Variants in SNX29 observed in about 807,000 individuals in gnomAD.
SNX29 encodes sorting nexin 29.
Under a neutral mutation model 102.1 loss-of-function variants are expected in SNX29, and 78 were observed. The ratio of observed to expected loss-of-function variants is 0.76; its 90% CI spans 0.64 to 0.92. The LOEUF is 0.92. Ranked by LOEUF, SNX29 falls within the 40% of genes least tolerant of loss-of-function variation. The pLI, the probability that SNX29 is intolerant of heterozygous loss-of-function variation, is 0.00. For synonymous variants in SNX29, 580 were observed against 414.5 expected, an observed-to-expected ratio of 1.40 and a Z score of -4.85; for missense variants, 1,280 against 1,061.7, an observed-to-expected ratio of 1.21 and a Z score of -2.86.
At chr16:12,163,004 C>G (rs1402543539) in intron 13 of SNX29, among the ~76,000 whole-genome samples, 1 of 152,176 alleles carries the variant, frequency 6.6e-6, no homozygotes, top group African/African-American at 2.4e-5. Context: ...ACCTCAGCCT[C>G]CCAAGTAGCT....
chr16:12,563,320 G>C (rs1481296123), intron 20 of SNX29, among the ~76,000 whole-genome samples: 2 of 152,178 alleles, frequency 1.3e-5, no homozygotes, highest in Admixed American at 6.5e-5. Flanking sequence ...TGACTGGAGA[G>C]AGTCACCGTC....
intron 15 of SNX29, among the ~76,000 whole-genome samples, chr16:12,278,336 A>G (rs1055236768): frequency 2.0e-5 from 3 of 152,200 alleles, no homozygotes; most frequent in Admixed American, 1.3e-4. Flanking sequence ...GAAAACAGAG[A>G]ATATCACATG....
At chr16:12,106,865 C>T (rs904283371) in intron 11 of SNX29, among the ~76,000 whole-genome samples, 2 of 152,016 alleles carry the variant, frequency 1.3e-5, no homozygotes, top group South Asian at 4.1e-4. Context: ...ACCCAGGCTG[C>T]AGTGCAGTGG....
chr16:12,513,601 C>G (rs1396149264), intron 19 of SNX29, among the ~76,000 whole-genome samples: 1 of 152,210 alleles, frequency 6.6e-6, no homozygotes, highest in African/African-American at 2.4e-5. Flanking sequence ...CTGTTCCAGC[C>G]TCTCAGCCAC....
chr16:12,535,633 G>A (rs2077054636), intron 20 of SNX29, among the ~76,000 whole-genome samples: 1 of 152,246 alleles, frequency 6.6e-6, no homozygotes, highest in African/African-American at 2.4e-5. Context: ...CCAACATGAA[G>A]CACTTACAGA....
intron 14 of SNX29, among the ~76,000 whole-genome samples, chr16:12,235,858 C>G (rs2077915578): frequency 6.6e-6 from 1 of 151,572 alleles, no homozygotes; most frequent in Non-Finnish European, 1.5e-5. Context: ...ACATAAAAAT[C>G]ACAGTTCTTT....
At chr16:12,019,761 C>T (rs2056965208) in intron 3 of SNX29, among the ~76,000 whole-genome samples, 1 of 151,830 alleles carries the variant, frequency 6.6e-6, no homozygotes, top group Non-Finnish European at 1.5e-5. Flanking sequence ...CTCAGCCTCC[C>T]AAGTAGCTGG....
intron 18 of SNX29, among the ~76,000 whole-genome samples, chr16:12,475,986 T>C (rs907902310): frequency 3.3e-5 from 5 of 152,128 alleles, no homozygotes; most frequent in South Asian, 2.1e-4. Flanking sequence ...GTTTGGACTT[T>C]TATAAGAATA....
rs556250444 is a variant in SNX29, at chr16:12,492,488, C to T, written c.2178+14629C>T. On this transcript the variant is annotated intron_variant, in intron 19 of 20. Transcript: ENST00000566228. ...TCTCCCATTTTGCAGGTTGCCTGTT[C>T]ACTCTGATGGTAGTTTCTTTTGCTG... is the stretch of plus-strand genomic sequence containing the variant. Among the ~76,000 whole-genome samples, 3 of 152,260 alleles carry T rather than the reference C, an allele frequency of 2.0e-5. No homozygotes were observed. In the South Asian group the frequency reaches 6.2e-4, roughly 32 times the overall value.
At position 12,534,166 on chromosome 16, in the gene SNX29, G is replaced by A. The variant is rs144801590; in HGVS notation, c.2318+9325G>A. On this transcript the variant is annotated intron_variant, in intron 20 of 20. Coordinates refer to ENST00000566228, the MANE Select transcript of SNX29 (RefSeq NM_032167.5). ...GGCCTCAGGGCAGCGCGGCCTCTGC[G>A]GTTCTGACTGAGGTCTTCATAAGAG... Among the ~76,000 whole-genome samples the A allele has an allele frequency of 9.7e-3, 1,475 of 152,348 alleles. 20 individuals are homozygous for A. The highest frequency in any genetic ancestry group is 9.3e-3 in the Non-Finnish European group (631 of 68,032).
chr16:12,190,492 G>C (rs2076615067), intron 13 of SNX29, among the ~76,000 whole-genome samples: 2 of 152,236 alleles, frequency 1.3e-5, no homozygotes, highest in South Asian at 4.2e-4. Context: ...CCATGTGGTG[G>C]AGGCAGGGTT....
intron 20 of SNX29, among the ~76,000 whole-genome samples, chr16:12,566,677 TAA>T (rs2079024734): frequency 7.7e-6 from 1 of 130,282 alleles, no homozygotes; most frequent in Non-Finnish European, 1.6e-5. Context: ...CATTCAGGGA[TAA>T]AGAGGCTCTT....
Position 12,568,704 on chromosome 16 carries a change from T to C in SNX29, c.*75T>C. The C allele has an allele frequency of 1.3e-6, 2 of 1,561,096 alleles. No individual in the cohort carries two copies. The highest frequency in any genetic ancestry group is 1.4e-5 in the African/African-American group (1 of 73,822). ...CACCCCAGCCACTGCCGCTGGCCCC[T>C]CACCTCAGCGTGACAACCACGTCCA... On this transcript the variant is annotated 3_prime_UTR_variant, in exon 21 of 21. Transcript: ENST00000566228.
At chr16:12,209,128 T>C (rs1299312547) in intron 14 of SNX29, among the ~76,000 whole-genome samples, 2 of 152,176 alleles carry the variant, frequency 1.3e-5, no homozygotes, top group East Asian at 1.9e-4. Context: ...TTTAGTTGTT[T>C]ACTGACAAAT....
chr16:12,475,025 G>C (rs62028446), intron 18 of SNX29, among the ~76,000 whole-genome samples: 1 of 152,220 alleles, frequency 6.6e-6, no homozygotes, highest in African/African-American at 2.4e-5. Flanking sequence ...CTCTCCATCT[G>C]TGGGGTGGTC....
At chr16:12,544,960 C>G (rs551053395) in intron 20 of SNX29, among the ~76,000 whole-genome samples, 2 of 152,300 alleles carry the variant, frequency 1.3e-5, no homozygotes, top group Admixed American at 6.5e-5. Context: ...GATGAGGAAA[C>G]AGGCTCAGAG....
chr16:12,213,574 G>A (rs147052343), intron 14 of SNX29, among the ~76,000 whole-genome samples: 35 of 152,366 alleles, frequency 2.3e-4, no homozygotes, highest in Middle Eastern at 6.8e-3. Flanking sequence ...AGTGGTTGGT[G>A]TTGTGGGTTG....
At position 12,409,421 on chromosome 16, in the gene SNX29, C is replaced by CTTT. The variant is rs71139589; in HGVS notation, c.2037+5915_2037+5917dup. Reference sequence around the variant, plus strand: ...TCCAAACGGGTTTGAGATTCACTGTCTTTTTTTTTTTTTTTTTTTTTTTTT... The same window carrying CTTT: ...TCCAAACGGGTTTGAGATTCACTGTCTTTTTTTTTTTTTTTTTTTTTTTTTTTT... On this transcript the variant is annotated intron_variant, in intron 18 of 20. Coordinates refer to ENST00000566228, the MANE Select transcript of SNX29 (RefSeq NM_032167.5). 5.0e-3 allele frequency among the ~76,000 whole-genome samples: 450 copies of CTTT among 89,662 alleles called. 3 individuals are homozygous for CTTT. Among genetic ancestry groups the CTTT allele is most frequent in the African/African-American group, 8.8e-3 (196 of 22,290 alleles). 58.8% of individuals were successfully genotyped at this position (89,662 alleles called of 152,430 possible).
chr16:12,160,625 C>G (rs1023728031), intron 13 of SNX29, among the ~76,000 whole-genome samples: 1 of 152,076 alleles, frequency 6.6e-6, no homozygotes, highest in African/African-American at 2.4e-5. Flanking sequence ...TGAAAATGAT[C>G]TCTTCATAGA....
Sources: gnomAD v4.1 joint callset for allele counts (sites outside exome capture counted in the v4.1 genomes callset) on GRCh38, gnomAD v4.1.1 for gene constraint, MANE v1.5 for transcripts, NCBI Gene and HGNC (gene_info 2026-07-23, HGNC 2026-07-21) for gene names.